The following CACNA1D variants were observed in gnomAD, a reference collection of about 807,000 sequenced individuals.
CACNA1D encodes the protein voltage-dependent L-type calcium channel subunit alpha-1D.
Under a neutral mutation model 257.1 loss-of-function variants are expected in CACNA1D, and 55 were observed. The ratio of observed to expected loss-of-function variants is 0.21; its 90% CI spans 0.17 to 0.27. The LOEUF (loss-of-function observed/expected upper bound fraction) is 0.27, where lower values mean the gene tolerates loss of function less well. CACNA1D is among the 10% of genes least tolerant of loss of function. CACNA1D has a pLI of 1.00. For synonymous variants in CACNA1D, 980 were observed against 1,014.9 expected (o/e 0.97, Z 0.65); for missense variants, 1,876 against 2,784.0 (o/e 0.67, Z 7.34).
chr3:53,753,738 C>T, intron 29 of CACNA1D, 56 bp downstream of exon 29: 6 of 1,004,310 alleles, frequency 6.0e-6, no homozygotes, highest in Non-Finnish European at 9.6e-6. Flanking sequence ...TAGAGAAGTA[C>T]CCGCTTCCTG....
At chr3:53,528,275 G>A (rs1164353825) in intron 3 of CACNA1D, among the ~76,000 whole-genome samples, 2 of 152,150 alleles carry the variant, frequency 1.3e-5, no homozygotes, top group Non-Finnish European at 2.9e-5. Flanking sequence ...AGCAACATAT[G>A]TTGAAAATGC....
intron 17 of CACNA1D, 70 bp from the exon 18 acceptor site, chr3:53,731,946 G>A (rs2108766727): frequency 2.0e-6 from 2 of 975,642 alleles, no homozygotes; most frequent in Admixed American, 3.4e-5. Flanking sequence ...GGACCACCAG[G>A]GTGACTTTTC....
intron 44 of CACNA1D, among the ~76,000 whole-genome samples, chr3:53,804,424 C>T (rs2095551573): frequency 6.6e-6 from 1 of 152,200 alleles, no homozygotes; most frequent in African/African-American, 2.4e-5. Context: ...CTGGCCTCAT[C>T]CCCCCTGTCG....
At chr3:53,539,200 C>T (rs547775083) in intron 3 of CACNA1D, among the ~76,000 whole-genome samples, 2 of 152,238 alleles carry the variant, frequency 1.3e-5, no homozygotes, top group South Asian at 4.1e-4. Context: ...ACCTCCGCCT[C>T]CCGGGTTCAA....
At chr3:53,665,411 A>G (rs2094251676) in intron 5 of CACNA1D, among the ~76,000 whole-genome samples, 3 of 152,214 alleles carry the variant, frequency 2.0e-5, no homozygotes. Flanking sequence ...GAACTTTGAC[A>G]TTGGGCAGTC....
intron 9 of CACNA1D, among the ~76,000 whole-genome samples, chr3:53,711,711 A>G (rs1344179145): frequency 6.6e-6 from 1 of 152,240 alleles, no homozygotes; most frequent in African/African-American, 2.4e-5. Context: ...TGGGACGCAG[A>G]TGGGAACAAC....
chr3:53,548,352 CTTTTT>C lies in CACNA1D; in HGVS notation c.483+46647_483+46651del, dbSNP rs34313562. Among the ~76,000 whole-genome samples, 20 of 71,588 alleles carry C rather than the reference CTTTTT, an allele frequency of 2.8e-4. 1 individual carries two copies. Among genetic ancestry groups the C allele is most frequent in the African/African-American group, 9.6e-4 (20 of 20,828 alleles). The allele number at this position is 71,588 out of a possible 152,430, so 47.0% of individuals were successfully genotyped here. A position where few individuals can be genotyped will look rare whatever the true frequency, so the allele number is the denominator to read the frequency against. On this transcript the variant is annotated intron_variant, in intron 3 of 47. Transcript: ENST00000350061. ...ATTGTATCCATTGTAAGCAACAAAG[CTTTTT>C]TTTTTTTTTTTTTTAAAAATTATCT...
intron 40 of CACNA1D, among the ~76,000 whole-genome samples, chr3:53,796,597 G>A (rs2106715800): frequency 6.6e-6 from 1 of 152,318 alleles, no homozygotes; most frequent in South Asian, 2.1e-4. Context: ...CATATTTGAT[G>A]TCAAAATGTC....
chr3:53,638,470 G>T (rs2093911620), intron 3 of CACNA1D, among the ~76,000 whole-genome samples: 2 of 152,214 alleles, frequency 1.3e-5, no homozygotes, highest in Non-Finnish European at 2.9e-5. Flanking sequence ...CTGGTGGCTG[G>T]GGCAGGGCAG....
At chr3:53,787,425 C>CTGTGTGTGTGTGTGTGTG (rs3217446) in intron 40 of CACNA1D, among the ~76,000 whole-genome samples, 1,499 of 136,086 alleles carry the variant, frequency 0.011, 22 homozygotes, top group African/African-American at 0.03. Context: ...AGTATGTATT[C>CTGTGTGTGTGTGTGTGTG]TGTGTGTGTG....
Position 53,616,539 on chromosome 3 carries a change from C to G in CACNA1D, c.484-34240C>G, listed in dbSNP as rs554291471. On this transcript the variant is annotated intron_variant, in intron 3 of 47. Coordinates refer to ENST00000350061, the MANE Select transcript of CACNA1D (RefSeq NM_001128840.3). Reference sequence around the variant, plus strand: ...CAGACTTAACGAGGAGACAACTCTTCTGCTTTCTTCCGTCTTCTTCCTACC... The same window carrying G: ...CAGACTTAACGAGGAGACAACTCTTGTGCTTTCTTCCGTCTTCTTCCTACC... Among the ~76,000 whole-genome samples, 3 of 152,330 alleles carry G rather than the reference C, an allele frequency of 2.0e-5. No homozygotes were observed. In the South Asian group the frequency reaches 6.2e-4, roughly 32 times the overall value.
intron 3 of CACNA1D, among the ~76,000 whole-genome samples, chr3:53,553,235 A>C (rs1018296623): frequency 6.6e-6 from 1 of 152,252 alleles, no homozygotes; most frequent in African/African-American, 2.4e-5. Context: ...AGTTTGTAAT[A>C]AAGTCCTAAT....
chr3:53,707,072 G>A (rs998378847), intron 9 of CACNA1D, among the ~76,000 whole-genome samples: 1 of 152,062 alleles, frequency 6.6e-6, no homozygotes. Context: ...GGCTCTTGAA[G>A]TCCATTTCTA....
intron 40 of CACNA1D, 134 bp downstream of exon 40, chr3:53,787,086 C>G: frequency 1.1e-6 from 1 of 895,544 alleles, no homozygotes; most frequent in Non-Finnish European, 1.7e-6. Context: ...CTACACACTC[C>G]CCCAAATGTG....
chr3:53,749,073 C>A (rs1192665755), intron 26 of CACNA1D, 195 bp from the exon 27 acceptor site: 1 of 697,818 alleles, frequency 1.4e-6, no homozygotes, highest in African/African-American at 1.7e-5. Context: ...ATCCTGGGTG[C>A]CCCCTCCTCT....
intron 3 of CACNA1D, among the ~76,000 whole-genome samples, chr3:53,591,674 T>G (rs1232895856): frequency 6.6e-6 from 1 of 152,258 alleles, no homozygotes; most frequent in African/African-American, 2.4e-5. Context: ...AATTGGCAAT[T>G]ATAATTCTAA....
intron 25 of CACNA1D, 108 bp from the exon 26 acceptor site, chr3:53,747,194 C>G: frequency 2.4e-6 from 2 of 829,542 alleles, no homozygotes; most frequent in Non-Finnish European, 2.0e-6. Context: ...GGCGGGCGGA[C>G]TGAGTGTGAC....
chr3:53,728,686 A>C (rs1020819), intron 15 of CACNA1D, among the ~76,000 whole-genome samples: 40,400 of 152,050 alleles, frequency 0.27, 6,506 homozygotes, highest in East Asian at 0.68. Context: ...CTGTGGTTGC[A>C]TGTTGTTTTC....
intron 3 of CACNA1D, among the ~76,000 whole-genome samples, chr3:53,524,355 A>G (rs1236611823): frequency 6.6e-6 from 1 of 152,248 alleles, no homozygotes; most frequent in African/African-American, 2.4e-5. Context: ...TAACAGTGGA[A>G]CTTTTTTGCT....
Sources: allele counts gnomAD v4.1 joint callset (sites outside exome capture counted in the v4.1 genomes callset), GRCh38; gene constraint gnomAD v4.1.1; transcripts MANE v1.5; gene names NCBI Gene and HGNC (gene_info 2026-07-23, HGNC 2026-07-21).